Variants in PLCE1 observed in about 807,000 individuals in gnomAD.
PLCE1 encodes the protein phospholipase C epsilon 1.
A neutral mutation model predicts 242.8 loss-of-function variants in PLCE1; 119 were observed. The observed-to-expected ratio is 0.49, with a 90% CI of 0.42 to 0.57. The LOEUF is 0.57. PLCE1 is among the 20% of genes least tolerant of loss of function. The pLI is 0.00. For missense variants in PLCE1, 2,441 were observed against 2,788.8 expected (o/e 0.88, Z 2.81); for synonymous variants, 945 against 1,017.4 (o/e 0.93, Z 1.35).
intron 2 of PLCE1, among the ~76,000 whole-genome samples, chr10:94,044,382 G>A (rs1166174734): frequency 6.6e-6 from 1 of 152,166 alleles, no homozygotes; most frequent in Non-Finnish European, 1.5e-5. Context: ...CTGGCTAATG[G>A]TGGTTTGGGT....
Position 94,254,987 on chromosome 10 carries a change from G to C in PLCE1, c.3492G>C (p.Thr1164=). Residue 1164 remains threonine (T), a synonymous_variant, in exon 11 of 33, where the codon ACG becomes ACC. Coordinates refer to ENST00000371380, the MANE Select transcript of PLCE1 (RefSeq NM_016341.4). ...GGTCCCCCAACTTGGCTGCCGGGAC[G>C]TCATCTCCCATCAGGCCAGTGTCCT... is the stretch of plus-strand genomic sequence containing the variant. The part of the protein sequence containing the change: ...TAGSPNLAAG[T]SSPIRPVSSP... 2 of 1,614,070 alleles carry C rather than the reference G, an allele frequency of 1.2e-6. No individual in the cohort carries two copies. Among genetic ancestry groups the C allele is most frequent in the Non-Finnish European group, 1.7e-6 (2 of 1,180,000 alleles).
chr10:94,293,773 A>C, intron 23 of PLCE1, 134 bp downstream of exon 23: 1 of 1,025,634 alleles, frequency 9.8e-7, no homozygotes, highest in Non-Finnish European at 1.4e-6. Context: ...GTATAGTATA[A>C]ATTTTTGTAA....
At chr10:94,229,940 C>G (rs907466791) in intron 5 of PLCE1, among the ~76,000 whole-genome samples, 1 of 152,184 alleles carries the variant, frequency 6.6e-6, no homozygotes, top group African/African-American at 2.4e-5. Context: ...TGGCCAGATA[C>G]TCTTATGATG....
At chr10:94,255,108 G>A (rs2051024924) in intron 11 of PLCE1, 59 bp downstream of exon 11, 1 of 1,556,578 alleles carries the variant, frequency 6.4e-7, no homozygotes, top group South Asian at 1.1e-5. Context: ...TTGTGTGGAA[G>A]GGCATATCTT....
At chr10:94,232,968 C>T (rs1218531542) in intron 5 of PLCE1, among the ~76,000 whole-genome samples, 3 of 152,194 alleles carry the variant, frequency 2.0e-5, no homozygotes, top group African/African-American at 7.2e-5. Context: ...CTTACTGCCC[C>T]CTGCACTTGG....
At chr10:94,233,808 C>A (rs1427844461) in intron 5 of PLCE1, among the ~76,000 whole-genome samples, 1 of 152,090 alleles carries the variant, frequency 6.6e-6, no homozygotes, top group East Asian at 1.9e-4. Context: ...ATTAGCCAGG[C>A]ATAGTGGCGC....
chr10:94,218,428 C>A (rs2049603240), intron 4 of PLCE1, among the ~76,000 whole-genome samples: 1 of 152,106 alleles, frequency 6.6e-6, no homozygotes, highest in Non-Finnish European at 1.5e-5. Flanking sequence ...GGTTCTTTCT[C>A]TTAGGTCTGC....
In PLCE1 at chr10:94,194,697, T is replaced by C. The variant is rs1435073591; in HGVS notation, c.1809+23201T>C. On this transcript the variant is annotated intron_variant, in intron 4 of 32. Coordinates refer to ENST00000371380, the MANE Select transcript of PLCE1 (RefSeq NM_016341.4). Reference sequence around the variant, plus strand: ...TTGTATTCTTCAGTCTCTTCATCTGTAAAGTGGTGCTTATAACATTGATCT... The same window carrying C: ...TTGTATTCTTCAGTCTCTTCATCTGCAAAGTGGTGCTTATAACATTGATCT... Among the ~76,000 whole-genome samples, 3 of 152,330 alleles carry C rather than the reference T, an allele frequency of 2.0e-5. No homozygotes were observed. In the East Asian group the frequency reaches 5.8e-4, roughly 29 times the overall value.
At chr10:94,266,880 T>C (rs193245857) in intron 16 of PLCE1, among the ~76,000 whole-genome samples, 10 of 152,344 alleles carry the variant, frequency 6.6e-5, no homozygotes, top group Admixed American at 2.6e-4. Flanking sequence ...GGAAACTTTA[T>C]TATGAATGAA....
intron 2 of PLCE1, among the ~76,000 whole-genome samples, chr10:94,062,589 T>TTG (rs111911346): frequency 0.042 from 5,255 of 124,256 alleles, 246 homozygotes; most frequent in African/African-American, 0.17. Context: ...TTTGTTTTTT[T>TTG]TTTTGTTTTG....
rs563242103 is a variant in PLCE1 at position 94,265,658 on chromosome 10, T to G, written c.4065T>G (p.Pro1355=). The change falls in exon 15 of 33, where the codon CCT becomes CCG. Residue 1355 remains proline (P), a synonymous_variant. Transcript: ENST00000371380. ...EILSIIQKFE[P]SISMCHQGLM... is the part of the protein sequence containing the mutation. Reference sequence around the variant, plus strand: ...TTAATCCCTTGCAGAAGTTCGAGCCTAGCATCAGTATGTGTCATCAGGGAC... The same window carrying G: ...TTAATCCCTTGCAGAAGTTCGAGCCGAGCATCAGTATGTGTCATCAGGGAC... The G allele has an allele frequency of 1.9e-6, 3 of 1,613,706 alleles. No homozygotes were observed. The South Asian group carries it at 3.3e-5, about 18-fold the overall frequency.
intron 2 of PLCE1, among the ~76,000 whole-genome samples, chr10:94,061,044 G>A (rs759548657): frequency 2.6e-5 from 4 of 152,012 alleles, no homozygotes; most frequent in South Asian, 2.1e-4. Flanking sequence ...CTTAGTCTCC[G>A]TACTGAGACT....
At chr10:94,283,723 A>T in intron 20 of PLCE1, 67 bp from the exon 21 acceptor site, 1 of 1,540,910 alleles carries the variant, frequency 6.5e-7, no homozygotes, top group East Asian at 2.3e-5. Flanking sequence ...CCTCACAGTG[A>T]TGCACATGTA....
intron 2 of PLCE1, among the ~76,000 whole-genome samples, chr10:94,046,033 A>G (rs1430387294): frequency 1.3e-5 from 2 of 151,474 alleles, no homozygotes; most frequent in African/African-American, 2.4e-5. Context: ...GCCTTCTCTG[A>G]TCCATTATGG....
At chr10:94,123,305 T>C (rs992955853) in intron 2 of PLCE1, among the ~76,000 whole-genome samples, 2 of 152,184 alleles carry the variant, frequency 1.3e-5, no homozygotes, top group Non-Finnish European at 2.9e-5. Context: ...CTCTAACTTC[T>C]TCTGAGATGT....
intron 4 of PLCE1, among the ~76,000 whole-genome samples, chr10:94,176,660 T>C (rs1353789537): frequency 6.6e-6 from 1 of 152,106 alleles, no homozygotes; most frequent in Non-Finnish European, 1.5e-5. Flanking sequence ...GCTAGTCACT[T>C]GGGGTGGGGG....
At position 94,251,925 on chromosome 10, in the gene PLCE1, T is replaced by C. The variant is rs192404302; in HGVS notation, c.3097-391T>C. Among the ~76,000 whole-genome samples, 61 of 152,300 alleles carry C rather than the reference T, an allele frequency of 4.0e-4. No homozygotes were observed. The South Asian group carries it at 8.9e-3, about 22-fold the overall frequency. On this transcript the variant is annotated intron_variant, in intron 8 of 32. Coordinates refer to ENST00000371380, the MANE Select transcript of PLCE1 (RefSeq NM_016341.4). ...CCTGGCAATAATGGACAAATACAAC[T>C]TGATTTTACTTAGATTGATACCCTG...
chr10:94,040,983 C>A (rs1378727365), intron 2 of PLCE1, among the ~76,000 whole-genome samples: 1 of 152,188 alleles, frequency 6.6e-6, no homozygotes, highest in Non-Finnish European at 1.5e-5. Flanking sequence ...TAAATAGCCA[C>A]AACAGACACT....
chr10:94,061,685 C>T (rs1367493218), intron 2 of PLCE1, among the ~76,000 whole-genome samples: 2 of 149,640 alleles, frequency 1.3e-5, no homozygotes, highest in African/African-American at 4.9e-5. Flanking sequence ...CTTGTCTTTA[C>T]TAAAAAAGGA....
Sources: allele counts gnomAD v4.1 joint callset (sites outside exome capture counted in the v4.1 genomes callset), GRCh38; gene constraint gnomAD v4.1.1; transcripts MANE v1.5; gene names NCBI Gene and HGNC (gene_info 2026-07-23, HGNC 2026-07-21).